The following CTNNA3 variants were observed in gnomAD, a reference collection of about 807,000 sequenced individuals.
CTNNA3 encodes catenin alpha 3.
Under a neutral mutation model 95.7 loss-of-function variants are expected in CTNNA3, and 76 were observed. The observed-to-expected ratio is 0.79, with a 90% CI of 0.66 to 0.96. The LOEUF (loss-of-function observed/expected upper bound fraction) is 0.96, where lower values mean the gene tolerates loss of function less well. Among genes scored for constraint, CTNNA3 ranks in the 40% least tolerant of loss-of-function variants. The pLI is 0.00. For synonymous variants in CTNNA3, 431 were observed against 374.4 expected (o/e 1.15, Z -1.74); for missense variants, 1,191 against 1,089.8 (o/e 1.09, Z -1.31).
chr10:67,537,047 C>T (rs1408606918), intron 4 of CTNNA3, among the ~76,000 whole-genome samples: 1 of 152,166 alleles, frequency 6.6e-6, no homozygotes, highest in Non-Finnish European at 1.5e-5. Flanking sequence ...TAAGATGCCA[C>T]TTCCTTTTTC....
chr10:66,240,136 A>T (rs4393214), intron 13 of CTNNA3, among the ~76,000 whole-genome samples: 122,636 of 151,864 alleles, frequency 0.81, 49,862 homozygotes, highest in South Asian at 0.94. Flanking sequence ...AGCATATTTT[A>T]GCATTTATAG....
intron 7 of CTNNA3, among the ~76,000 whole-genome samples, chr10:66,904,523 A>T (rs12241627): frequency 0.48 from 73,429 of 152,040 alleles, 18,118 homozygotes; most frequent in African/African-American, 0.51. Flanking sequence ...AAATGGGATC[A>T]AGTTAAACTA....
intron 1 of CTNNA3, among the ~76,000 whole-genome samples, chr10:67,735,706 T>C (rs545237018): frequency 3.9e-5 from 6 of 152,280 alleles, no homozygotes; most frequent in Admixed American, 1.3e-4. Context: ...GCTTGAGGAA[T>C]TGTAAAATAG....
At chr10:67,371,045 T>A (rs927227579) in intron 5 of CTNNA3, among the ~76,000 whole-genome samples, 1 of 151,300 alleles carries the variant, frequency 6.6e-6, no homozygotes, top group Admixed American at 6.6e-5. Context: ...TTTTTGTATT[T>A]TTAGTAGAGA....
At chr10:66,769,683 A>T (rs116175628) in intron 8 of CTNNA3, among the ~76,000 whole-genome samples, 1,589 of 152,258 alleles carry the variant, frequency 0.01, 36 homozygotes, top group African/African-American at 0.037. Context: ...GAAGTTCTTC[A>T]GCGTCCACAC....
intron 9 of CTNNA3, among the ~76,000 whole-genome samples, chr10:66,728,207 G>A (rs1425947871): frequency 2.0e-5 from 3 of 152,158 alleles, no homozygotes; most frequent in Non-Finnish European, 2.9e-5. Flanking sequence ...GCTTGTAGTT[G>A]GAAGGAATCA....
chr10:66,222,962 T>C (rs1033351285), intron 13 of CTNNA3, among the ~76,000 whole-genome samples: 5 of 152,268 alleles, frequency 3.3e-5, no homozygotes, highest in South Asian at 2.1e-4. Flanking sequence ...GCTTGTTTTA[T>C]TTATATAATT....
At chr10:67,178,359 A>T (rs543630334) in intron 7 of CTNNA3, among the ~76,000 whole-genome samples, 2 of 152,090 alleles carry the variant, frequency 1.3e-5, no homozygotes, top group African/African-American at 2.4e-5. Context: ...TAGTCACTTT[A>T]TAAGTACCTC....
intron 9 of CTNNA3, among the ~76,000 whole-genome samples, chr10:66,680,169 TTTTTTTGTTTG>T (rs1173962647): frequency 9.9e-6 from 1 of 100,520 alleles, no homozygotes; most frequent in African/African-American, 4.8e-5. Context: ...GACTAATGTT[TTTTTTTGTTTG>T]TTTTTTGTTT....
intron 10 of CTNNA3, among the ~76,000 whole-genome samples, chr10:66,564,815 C>T (rs373189816): frequency 6.6e-6 from 1 of 152,084 alleles, no homozygotes; most frequent in Non-Finnish European, 1.5e-5. Context: ...AATTATTCGA[C>T]GTTTACAATA....
chr10:67,418,816 G>T (rs1845637094), intron 5 of CTNNA3, among the ~76,000 whole-genome samples: 1 of 152,092 alleles, frequency 6.6e-6, no homozygotes, highest in Non-Finnish European at 1.5e-5. Flanking sequence ...ACAACGTATT[G>T]TATTTTTGGA....
chr10:67,726,205 T>C (rs1841213630), intron 1 of CTNNA3, among the ~76,000 whole-genome samples: 1 of 105,968 alleles, frequency 9.4e-6, no homozygotes, highest in South Asian at 2.9e-4. Context: ...TAATATATCA[T>C]ATATTATACA....
intron 5 of CTNNA3, among the ~76,000 whole-genome samples, chr10:67,360,160 G>A (rs1356967849): frequency 6.6e-6 from 1 of 151,862 alleles, no homozygotes; most frequent in Non-Finnish European, 1.5e-5. Context: ...AACACTAAGG[G>A]AATTTATTAC....
chr10:66,524,943 G>A (rs1481596393), intron 10 of CTNNA3, among the ~76,000 whole-genome samples: 1 of 152,066 alleles, frequency 6.6e-6, no homozygotes, highest in Non-Finnish European at 1.5e-5. Flanking sequence ...CAGCTACTTG[G>A]GAGGCTGAGG....
chr10:66,222,563 AAAG>A (rs2088993298), intron 13 of CTNNA3, among the ~76,000 whole-genome samples: 1 of 151,344 alleles, frequency 6.6e-6, no homozygotes, highest in Non-Finnish European at 1.5e-5. Context: ...AGAAAGAGAG[AAAG>A]AAGGAAAGAA....
At chr10:66,733,505 T>C (rs1849030897) in intron 9 of CTNNA3, among the ~76,000 whole-genome samples, 1 of 151,804 alleles carries the variant, frequency 6.6e-6, no homozygotes, top group South Asian at 2.1e-4. Context: ...TATTTTAAAG[T>C]ATATATGTAT....
At chr10:66,834,766 C>A (rs938188215) in intron 7 of CTNNA3, among the ~76,000 whole-genome samples, 1 of 152,186 alleles carries the variant, frequency 6.6e-6, no homozygotes, top group African/African-American at 2.4e-5. Flanking sequence ...TCTTTTAAAT[C>A]TTTTCACCCT....
chr10:66,244,465 G>C (rs1194977216), intron 13 of CTNNA3, among the ~76,000 whole-genome samples: 1 of 152,180 alleles, frequency 6.6e-6, no homozygotes, highest in Non-Finnish European at 1.5e-5. Context: ...GCTGATTTCA[G>C]GTCTAGCCTA....
At chr10:67,356,608 C>A (rs1185301669) in intron 5 of CTNNA3, among the ~76,000 whole-genome samples, 2 of 152,024 alleles carry the variant, frequency 1.3e-5, no homozygotes, top group East Asian at 3.9e-4. Flanking sequence ...CCCTCCATGA[C>A]CTCAACTCCA....
Sources: gnomAD v4.1 joint callset for allele counts (sites outside exome capture counted in the v4.1 genomes callset) on GRCh38, gnomAD v4.1.1 for gene constraint, MANE v1.5 for transcripts, NCBI Gene and HGNC (gene_info 2026-07-23, HGNC 2026-07-21) for gene names.